CHD5: variants seen among roughly 807,000 people sequenced by gnomAD.
CHD5 encodes the protein ATP-dependent chromatin remodeler CHD5.
In CHD5, 69 loss-of-function variants were observed where a neutral mutation model predicts 230.3. That is an observed-to-expected ratio of 0.30 (90% CI 0.25 to 0.37). CHD5 has a LOEUF of 0.37. Among genes scored for constraint, CHD5 ranks in the 10% least tolerant of loss-of-function variants. The pLI is 1.00. For synonymous variants in CHD5, 1,064 were observed against 1,065.9 expected (o/e 1.00, Z 0.03); for missense variants, 1,827 against 2,622.8 (o/e 0.70, Z 6.63).
At chr1:6,151,223 G>T in intron 6 of CHD5, 68 bp from the exon 7 acceptor site, 1 of 1,518,862 alleles carries the variant, frequency 6.6e-7, no homozygotes. Flanking sequence ...CCCAGGCAGT[G>T]TGGGGTGGGA....
At position 6,131,783 on chromosome 1, in the gene CHD5, G is replaced by A. The variant is rs780160807; in HGVS notation, c.3145-35C>T. ...AGACGGGCACGTGAGGAACTGCCAA[G>A]GAGCAAGGGGCCCCATGGGCCATGG... On this transcript the variant is annotated intron_variant, in intron 20 of 41. Coordinates refer to ENST00000262450, the MANE Select transcript of CHD5 (RefSeq NM_015557.3). The surrounding 1 kb of genome is among the most constrained non-coding windows in gnomAD (Gnocchi z 5.0). 6.9e-7 allele frequency: 1 copy of A among 1,454,542 alleles called. No individual in the cohort carries two copies. Among genetic ancestry groups the A allele is most frequent in the African/African-American group, 1.4e-5 (1 of 71,740 alleles). The allele number at this position is 1,454,542 out of a possible 1,614,324, so 90.1% of individuals were successfully genotyped here.
chr1:6,138,843 A>G (rs1666784316), intron 15 of CHD5, among the ~76,000 whole-genome samples: 1 of 152,232 alleles, frequency 6.6e-6, no homozygotes. Context: ...ACTGACGACC[A>G]CTAAAAGCCA....
chr1:6,135,342 G>A lies in CHD5; in HGVS notation c.2758C>T (p.Leu920=). 6.2e-7 allele frequency: 1 copy of A among 1,614,162 alleles called. No homozygotes were observed. The change falls in exon 18 of 42, where the codon CTG becomes TTG. Residue 920 remains leucine (L), a synonymous_variant. Transcript: ENST00000262450. ...ATGTGCGGCCCCAGCAGGTCATGCA[G>A]CTTCTTGATCTGGTCTTCCTTGGAG... ...DISKEDQIKK[L]HDLLGPHMLR...
At chr1:6,123,813 G>T in intron 31 of CHD5, 135 bp downstream of exon 31, 1 of 560,980 alleles carries the variant, frequency 1.8e-6, no homozygotes, top group Non-Finnish European at 2.9e-6. Context: ...TCTGTAGAGT[G>T]ACATTTCAGC....
rs1666920160 is a variant in CHD5, at chr1:6,146,858, T to C, written c.1397A>G (p.Lys466Arg). The change falls in exon 10 of 42, where the codon AAG becomes AGG. Residue 466 changes from lysine (K) to arginine (R), a missense_variant. Around this residue, in one of 14 missense-constraint regions of CHD5, gnomAD observed 657 missense variants for 816.4 expected, o/e 0.80. Coordinates refer to ENST00000262450, the MANE Select transcript of CHD5 (RefSeq NM_015557.3). The surrounding 1 kb of genome is among the most constrained non-coding windows in gnomAD (Gnocchi z 5.1). ...GTGTAGAATCCGCTGGACTTTGCCCTTCAGTGGGGGGCACTGTGGACAGAG... is the reference window on the plus strand; with the variant it reads ...GTGTAGAATCCGCTGGACTTTGCCCCTCAGTGGGGGGCACTGTGGACAGAG... Reference protein sequence around the residue: ...LCPRCTCPPLKGKVQRILHWR... With the variant: ...LCPRCTCPPLRGKVQRILHWR... 1 of 1,516,566 alleles carries C rather than the reference T, an allele frequency of 6.6e-7. No individual in the cohort carries two copies. The highest frequency in any genetic ancestry group is 8.9e-7 in the Non-Finnish European group (1 of 1,129,798). 93.9% of individuals were successfully genotyped at this position (1,516,566 alleles called of 1,614,324 possible).
rs1212076575 is a variant in CHD5 at position 6,154,461 on chromosome 1, T to A, written c.745+199A>T. ...CTTCTCCACCAACCCCAAAAGGGAG[T>A]CAGGCACAAAAGAGGCGACGATGCT... is the stretch of plus-strand genomic sequence containing the variant. On this transcript the variant is annotated intron_variant, in intron 5 of 41. Coordinates refer to ENST00000262450, the MANE Select transcript of CHD5 (RefSeq NM_015557.3). This position sits in a 1 kb window ranked among gnomAD's most constrained non-coding sequence, Gnocchi z 7.0. 6.6e-6 allele frequency among the ~76,000 whole-genome samples: 1 copy of A among 151,352 alleles called. No individual in the cohort carries two copies. Among genetic ancestry groups the A allele is most frequent in the African/African-American group, 2.4e-5 (1 of 41,120 alleles).
At chr1:6,176,927 A>C (rs1667436933) in intron 1 of CHD5, among the ~76,000 whole-genome samples, 1 of 151,952 alleles carries the variant, frequency 6.6e-6, no homozygotes, top group Non-Finnish European at 1.5e-5. Context: ...TGGTCCCCCA[A>C]CCAGAAGAGG....
At chr1:6,175,363 G>A (rs1207114505) in intron 1 of CHD5, among the ~76,000 whole-genome samples, 1 of 119,478 alleles carries the variant, frequency 8.4e-6, no homozygotes, top group African/African-American at 4.3e-5. Context: ...ATGGTGGATG[G>A]ATGCATGGAT....
At chr1:6,123,552 G>A (rs1244578539) in intron 31 of CHD5, among the ~76,000 whole-genome samples, 4 of 151,858 alleles carry the variant, frequency 2.6e-5, no homozygotes, top group South Asian at 2.1e-4. Flanking sequence ...TCAGCCTCCC[G>A]AGCAGCCGGG....
In CHD5 at chr1:6,144,149, G is replaced by T; in HGVS notation, c.1809C>A (p.Asp603Glu). ...MIHRILNHSF[D>E]KKGDVHYLIK... ...TCAGGTAGTGCACATCCCCCTTCTT[G>T]TCAAAGCTGCAACACGGTGAACAGA... The change falls in exon 12 of 42, where the codon GAC becomes GAA. Residue 603 changes from aspartate (D) to glutamate (E), a missense_variant. By Grantham distance (45) the Asp-to-Glu change is conservative (BLOSUM62 2). This residue lies in a region of CHD5 where 657 missense variants were observed against 816.4 expected (regional missense o/e 0.80). Coordinates refer to ENST00000262450, the MANE Select transcript of CHD5 (RefSeq NM_015557.3). The T allele has an allele frequency of 1.2e-6, 2 of 1,614,174 alleles. No individual in the cohort carries two copies. Among genetic ancestry groups the T allele is most frequent in the Non-Finnish European group, 1.7e-6 (2 of 1,180,028 alleles).
Position 6,121,388 on chromosome 1 carries a change from G to A in CHD5, c.4779+106C>T. On this transcript the variant is annotated intron_variant, in intron 32 of 41. Coordinates refer to ENST00000262450, the MANE Select transcript of CHD5 (RefSeq NM_015557.3). This position sits in a 1 kb window ranked among gnomAD's most constrained non-coding sequence, Gnocchi z 4.5. Reference sequence around the variant, plus strand: ...GCCGATTCAGAGCCCCGAAAAGGGAGCCAGGAGGCCTGGGTTCCACCTCGC... The same window carrying A: ...GCCGATTCAGAGCCCCGAAAAGGGAACCAGGAGGCCTGGGTTCCACCTCGC... 1 of 1,481,830 alleles carries A rather than the reference G, an allele frequency of 6.7e-7. No homozygotes were observed. The highest frequency in any genetic ancestry group is 9.3e-7 in the Non-Finnish European group (1 of 1,074,970). The allele number at this position is 1,481,830 out of a possible 1,614,324, so 91.8% of individuals were successfully genotyped here.
In CHD5 at chr1:6,134,263, C is replaced by T; in HGVS notation, c.3013-4G>A. On this transcript the variant is annotated splice_region_variant and splice_polypyrimidine_tract_variant and intron_variant, in intron 19 of 41. Coordinates refer to ENST00000262450, the MANE Select transcript of CHD5 (RefSeq NM_015557.3). The surrounding 1 kb of genome is among the most constrained non-coding windows in gnomAD (Gnocchi z 6.3). ...CATTGGGCAAGACAGGGGCCTCCTG[C>T]AGACACAGCAGGAGGTGGGGCATTG... 1 of 1,612,166 alleles carries T rather than the reference C, an allele frequency of 6.2e-7. No individual in the cohort carries two copies.
intron 2 of CHD5, among the ~76,000 whole-genome samples, chr1:6,161,185 C>T (rs969962183): frequency 7.9e-5 from 12 of 152,160 alleles, no homozygotes; most frequent in South Asian, 6.2e-4. Flanking sequence ...GCAGCAAAGG[C>T]GGGGGGCCTC....
intron 7 of CHD5, 87 bp from the exon 8 acceptor site, chr1:6,149,499 AGAGTAGAT>A: frequency 7.4e-7 from 1 of 1,352,760 alleles, no homozygotes. Flanking sequence ...AGACAGGCAC[AGAGTAGAT>A]GTCTAATAGA....
rs1666710494 is a variant in CHD5, at chr1:6,134,609, C to A, written c.3012+109G>T. ...ACCATGACAGCCACAGAAATCGCCA[C>A]AATGGCCAGGAGAACCTATCACAGC... is the stretch of plus-strand genomic sequence containing the variant. On this transcript the variant is annotated intron_variant, in intron 19 of 41. Coordinates refer to ENST00000262450, the MANE Select transcript of CHD5 (RefSeq NM_015557.3). This position sits in a 1 kb window ranked among gnomAD's most constrained non-coding sequence, Gnocchi z 6.3. 2 of 1,212,158 alleles carry A rather than the reference C, an allele frequency of 1.6e-6. No homozygotes were observed. The highest frequency in any genetic ancestry group is 2.4e-6 in the Non-Finnish European group (2 of 831,800). The allele number at this position is 1,212,158 out of a possible 1,614,324, so 75.1% of individuals were successfully genotyped here. A position where few individuals can be genotyped will look rare whatever the true frequency, so the allele number is the denominator to read the frequency against.
Position 6,146,940 on chromosome 1 carries a change from G to T in CHD5, c.1384-69C>A. The T allele has an allele frequency of 8.0e-7, 1 of 1,246,206 alleles. No homozygotes were observed. The highest frequency in any genetic ancestry group is 1.1e-6 in the Non-Finnish European group (1 of 919,252). 77.2% of individuals were successfully genotyped at this position (1,246,206 alleles called of 1,614,324 possible). On this transcript the variant is annotated intron_variant, in intron 9 of 41. Transcript: ENST00000262450. The surrounding 1 kb of genome is among the most constrained non-coding windows in gnomAD (Gnocchi z 5.1). ...GCCCCACCCTGAGGCTCCCATGACA[G>T]CAGGCTGCCATGCAGGCTCCCTCCC...
At chr1:6,178,193 G>A (rs886852529) in intron 1 of CHD5, among the ~76,000 whole-genome samples, 2 of 152,134 alleles carry the variant, frequency 1.3e-5, no homozygotes, top group Admixed American at 1.3e-4. Flanking sequence ...CCAACCCACC[G>A]AGGGGGAGCA....
intron 33 of CHD5, among the ~76,000 whole-genome samples, chr1:6,115,082 G>A (rs553788833): frequency 6.6e-6 from 1 of 151,980 alleles, no homozygotes; most frequent in African/African-American, 2.4e-5. Context: ...GGAGGCCGAG[G>A]CGGGCAGATC....
intron 25 of CHD5, among the ~76,000 whole-genome samples, 183 bp downstream of exon 25, chr1:6,127,863 A>G (rs543161735): frequency 8.6e-5 from 13 of 151,676 alleles, no homozygotes; most frequent in Admixed American, 2.0e-4. Flanking sequence ...TGGAGGGCGG[A>G]GCACACGCTG....
Sources: allele counts gnomAD v4.1 joint callset (sites outside exome capture counted in the v4.1 genomes callset), GRCh38; gene constraint gnomAD v4.1.1; regional missense constraint gnomAD v4.1.1; non-coding constraint Gnocchi (gnomAD v3.1); transcripts MANE v1.5; gene names NCBI Gene and HGNC (gene_info 2026-07-23, HGNC 2026-07-21).